Variants in ARHGAP26 observed in about 807,000 individuals in gnomAD.
ARHGAP26 encodes the protein rho GTPase-activating protein 26.
In ARHGAP26, 38 loss-of-function variants were observed where a neutral mutation model predicts 104.8. The ratio of observed to expected loss-of-function variants is 0.36; its 90% CI spans 0.28 to 0.48. The LOEUF (loss-of-function observed/expected upper bound fraction) is 0.48, where lower values mean the gene tolerates loss of function less well. Ranked by LOEUF, ARHGAP26 falls within the 20% of genes least tolerant of loss-of-function variation. The probability of loss-of-function intolerance (pLI) is 0.99; values close to 1 mark genes in which losing one functional copy is unlikely to be tolerated. For missense variants in ARHGAP26, 704 were observed against 947.9 expected (o/e 0.74, Z 3.38); for synonymous variants, 341 against 340.0 (o/e 1.00, Z -0.03).
At chr5:143,170,710 C>G (rs1162173043) in intron 20 of ARHGAP26, 4 of 152,212 alleles carry the variant, frequency 2.6e-5, no homozygotes, top group Non-Finnish European at 5.9e-5. Context: ...GAGAGATTAC[C>G]TAACTTACCT....
intron 20 of ARHGAP26, among the ~76,000 whole-genome samples, chr5:143,175,606 A>G (rs17287647): frequency 0.12 from 18,927 of 152,040 alleles, 1,400 homozygotes; most frequent in Non-Finnish European, 0.16. Context: ...AGCCCTTCTC[A>G]GTTGGTACAG....
At chr5:142,883,293 C>T (rs775610302) in intron 4 of ARHGAP26, among the ~76,000 whole-genome samples, 17 of 152,110 alleles carry the variant, frequency 1.1e-4, no homozygotes, top group Non-Finnish European at 2.2e-4. Context: ...CTGGTGGGAG[C>T]GGATACATGT....
chr5:143,143,337 G>A (rs932350048), intron 19 of ARHGAP26, among the ~76,000 whole-genome samples: 5 of 152,182 alleles, frequency 3.3e-5, no homozygotes, highest in Non-Finnish European at 7.3e-5. Flanking sequence ...GTGTGATGGG[G>A]TTGCCATTAG....
chr5:142,792,894 A>G lies in ARHGAP26; in HGVS notation c.154+21979A>G, dbSNP rs533196836. ...TTCAAAACCTTTTCCTTGTTTTCCT[A>G]TCAAACTGTTTTTGAAAGCCTATTT... is the stretch of plus-strand genomic sequence containing the variant. On this transcript the variant is annotated intron_variant, in intron 1 of 22. Transcript: ENST00000645722. Among the ~76,000 whole-genome samples the G allele has an allele frequency of 7.9e-4, 121 of 152,292 alleles. 2 individuals carry two copies. Among genetic ancestry groups the G allele is most frequent in the South Asian group, 4.8e-3 (23 of 4,830 alleles).
At chr5:142,789,413 C>T (rs967221598) in intron 1 of ARHGAP26, among the ~76,000 whole-genome samples, 4 of 152,116 alleles carry the variant, frequency 2.6e-5, no homozygotes, top group Non-Finnish European at 4.4e-5. Context: ...CAGATGTCTT[C>T]GTTTTAATCT....
chr5:142,878,116 C>T (rs1243664660), intron 3 of ARHGAP26, among the ~76,000 whole-genome samples: 4 of 152,110 alleles, frequency 2.6e-5, no homozygotes, highest in Non-Finnish European at 5.9e-5. Flanking sequence ...TTACTGTGTC[C>T]ATCTGTGACT....
intron 11 of ARHGAP26, among the ~76,000 whole-genome samples, chr5:142,995,711 A>G (rs775548888): frequency 2.6e-5 from 4 of 152,226 alleles, no homozygotes; most frequent in African/African-American, 7.2e-5. Flanking sequence ...ACACATGCAC[A>G]CATATGTTTA....
rs536919888 is a variant in ARHGAP26, at chr5:143,029,392, G to GTTTTT, written c.1145-7778_1145-7774dup. Among the ~76,000 whole-genome samples the GTTTTT allele has an allele frequency of 3.2e-4, 26 of 80,844 alleles. 2 individuals carry two copies. The highest frequency in any genetic ancestry group is 8.7e-4 in the East Asian group (2 of 2,296). The allele number at this position is 80,844 out of a possible 152,430, so 53.0% of individuals were successfully genotyped here. On this transcript the variant is annotated intron_variant, in intron 12 of 22. Coordinates refer to ENST00000645722, the MANE Select transcript of ARHGAP26 (RefSeq NM_001135608.3). ...CATGTTAGAAATCCTTTACTTCTCA[G>GTTTTT]TTTTTTTTTTTTTTTTTTTTTTTTT... is the stretch of plus-strand genomic sequence containing the variant.
intron 17 of ARHGAP26, among the ~76,000 whole-genome samples, chr5:143,091,443 G>C (rs1482758119): frequency 4.6e-5 from 7 of 152,094 alleles, no homozygotes; most frequent in Non-Finnish European, 1.0e-4. Context: ...TTAAATGTGG[G>C]GACATCAGCA....
At chr5:142,901,843 C>T in intron 6 of ARHGAP26, 92 bp from the exon 7 acceptor site, 1 of 1,002,506 alleles carries the variant, frequency 1.0e-6, no homozygotes, top group Non-Finnish European at 1.5e-6. Context: ...TTATTTTAGA[C>T]TTTCAAGCCA....
intron 12 of ARHGAP26, among the ~76,000 whole-genome samples, chr5:143,030,948 A>G (rs796116995): frequency 3.9e-5 from 6 of 152,370 alleles, no homozygotes; most frequent in African/African-American, 1.4e-4. Context: ...GTGGTGCATC[A>G]TAGTCTGAAA....
intron 11 of ARHGAP26, among the ~76,000 whole-genome samples, chr5:142,977,477 C>T (rs544226193): frequency 2.4e-4 from 36 of 152,138 alleles, no homozygotes; most frequent in South Asian, 1.2e-3. Context: ...TTTAAAAGCA[C>T]GTAGATGGTT....
In ARHGAP26 at chr5:142,995,257, A is replaced by G. The variant is rs550378168; in HGVS notation, c.1108-18823A>G. ...TACAGAAAGGGAGAAAATGTTTGCA[A>G]TCTATCCATCTGACAAAGGGCTAAT... On this transcript the variant is annotated intron_variant, in intron 11 of 22. Transcript: ENST00000645722. 7.2e-4 allele frequency among the ~76,000 whole-genome samples: 110 copies of G among 152,348 alleles called. 1 individual carries two copies. The highest frequency in any genetic ancestry group is 7.0e-3 in the South Asian group (34 of 4,828).
intron 1 of ARHGAP26, among the ~76,000 whole-genome samples, chr5:142,870,031 A>G (rs1234688352): frequency 6.6e-6 from 1 of 152,036 alleles, no homozygotes; most frequent in Non-Finnish European, 1.5e-5. Context: ...ACTTCCCTCC[A>G]CTCTGGCCAG....
At chr5:142,780,597 G>A (rs1440759369) in intron 1 of ARHGAP26, among the ~76,000 whole-genome samples, 1 of 152,204 alleles carries the variant, frequency 6.6e-6, no homozygotes, top group African/African-American at 2.4e-5. Context: ...GGGATTAAAA[G>A]CCACAGCAAA....
intron 1 of ARHGAP26, among the ~76,000 whole-genome samples, chr5:142,789,505 C>G (rs1237852244): frequency 6.6e-6 from 1 of 152,180 alleles, no homozygotes; most frequent in Non-Finnish European, 1.5e-5. Context: ...GCAACAACAT[C>G]ACATGAGAGC....
chr5:142,815,758 G>A (rs981659633), intron 1 of ARHGAP26, among the ~76,000 whole-genome samples: 43 of 151,958 alleles, frequency 2.8e-4, no homozygotes, highest in African/African-American at 9.9e-4. Context: ...CACTTTCCCC[G>A]GCTAGCCTTC....
intron 20 of ARHGAP26, among the ~76,000 whole-genome samples, chr5:143,163,184 G>A (rs1312292641): frequency 6.6e-6 from 1 of 152,182 alleles, no homozygotes; most frequent in Non-Finnish European, 1.5e-5. Context: ...CCTTGCTGCT[G>A]CTCAGATGAG....
In ARHGAP26 at chr5:143,014,510, C is replaced by CG. The variant is rs1779329527; in HGVS notation, c.1144+396dup. ...GCCAAAGTTGCTGTTGCCTCCAGCA[C>CG]GGTCTCGCTCAAAGGACTGGAGAGG... On this transcript the variant is annotated intron_variant, in intron 12 of 22. Transcript: ENST00000645722. 8 of 190,556 alleles carry CG rather than the reference C, an allele frequency of 4.2e-5. No individual in the cohort carries two copies. The South Asian group carries it at 1.1e-3, about 25-fold the overall frequency. 11.8% of individuals were successfully genotyped at this position (190,556 alleles called of 1,614,324 possible). A position where few individuals can be genotyped will look rare whatever the true frequency, so the allele number is the denominator to read the frequency against.
Sources: allele counts gnomAD v4.1 joint callset (sites outside exome capture counted in the v4.1 genomes callset), GRCh38; gene constraint gnomAD v4.1.1; transcripts MANE v1.5; gene names NCBI Gene and HGNC (gene_info 2026-07-23, HGNC 2026-07-21).